The following BICD1 variants were observed in gnomAD, a reference collection of about 807,000 sequenced individuals.
BICD1 encodes the protein BICD cargo adaptor 1, also known as protein bicaudal D homolog 1.
In BICD1, 35 loss-of-function variants were observed where a neutral mutation model predicts 92.5. The ratio of observed to expected loss-of-function variants is 0.38; its 90% CI spans 0.29 to 0.50. The LOEUF (loss-of-function observed/expected upper bound fraction) is 0.50, where lower values mean the gene tolerates loss of function less well. BICD1 is among the 20% of genes least tolerant of loss of function. The probability of loss-of-function intolerance (pLI) is 0.93; values close to 1 mark genes in which losing one functional copy is unlikely to be tolerated. For missense variants in BICD1, 950 were observed against 1,189.8 expected (o/e 0.80, Z 2.97); for synonymous variants, 429 against 465.1 (o/e 0.92, Z 1.00).
intron 1 of BICD1, among the ~76,000 whole-genome samples, chr12:32,132,415 CA>C (rs34771538): frequency 0.3 from 32,307 of 109,150 alleles, 3,663 homozygotes; most frequent in Middle Eastern, 0.39. Context: ...GACTCTGTCT[CA>C]AAAAAAAAAA....
chr12:32,296,253 T>G (rs1407840889), intron 3 of BICD1, among the ~76,000 whole-genome samples: 531 of 46,288 alleles, frequency 0.011, 2 homozygotes, highest in African/African-American at 0.035. Flanking sequence ...GGGGTTTTTT[T>G]TTGTTTTTTT....
intron 1 of BICD1, among the ~76,000 whole-genome samples, chr12:32,142,432 CA>C (rs1305439204): frequency 8.1e-5 from 4 of 49,412 alleles, no homozygotes; most frequent in African/African-American, 2.4e-4. Flanking sequence ...AAAAAAAAAA[CA>C]AAAAACCCCA....
intron 1 of BICD1, among the ~76,000 whole-genome samples, chr12:32,170,086 C>T (rs2121514210): frequency 6.6e-6 from 1 of 152,310 alleles, no homozygotes; most frequent in South Asian, 2.1e-4. Context: ...CTAAGAAAAA[C>T]CTTGTTTCAC....
rs1350986528 is a variant in BICD1 at position 32,336,228 on chromosome 12, A to G, written c.2253-1271A>G. 5.3e-5 allele frequency among the ~76,000 whole-genome samples: 8 copies of G among 152,200 alleles called. No homozygotes were observed. In the East Asian group the frequency reaches 1.2e-3, roughly 22 times the overall value. ...CATATTTTAGCGGGTAAATAAACTC[A>G]GAAAAAAAACAAAACAAAATTCAGA... is the stretch of plus-strand genomic sequence containing the variant. On this transcript the variant is annotated intron_variant, in intron 6 of 9. Transcript: ENST00000652176.
At chr12:32,371,213 C>T (rs1939727745) in intron 9 of BICD1, among the ~76,000 whole-genome samples, 1 of 152,140 alleles carries the variant, frequency 6.6e-6, no homozygotes, top group Admixed American at 6.5e-5. Flanking sequence ...CAGTTTCTAC[C>T]CACATGAATA....
chr12:32,305,578 TTA>T (rs1948189469), intron 3 of BICD1, 117 bp from the exon 4 acceptor site: 2 of 863,722 alleles, frequency 2.3e-6, no homozygotes, highest in Non-Finnish European at 1.7e-6. Context: ...TTTTTATTAT[TTA>T]TTTTTTAGAC....
chr12:32,114,348 C>G lies in BICD1; in HGVS notation c.213+6804C>G, dbSNP rs540959240. ...ATTCATGTTTTCTTTGCTGGGGAAG[C>G]GTACATTGCATGATGGATTCAGATC... On this transcript the variant is annotated intron_variant, in intron 1 of 9. Coordinates refer to ENST00000652176, the MANE Select transcript of BICD1 (RefSeq NM_001714.4). 1.5e-3 allele frequency among the ~76,000 whole-genome samples: 224 copies of G among 152,074 alleles called. No individual in the cohort carries two copies. The Middle Eastern group carries it at 0.017, about 12-fold the overall frequency.
rs1291722922 is a variant in BICD1, at chr12:32,334,584, C to A, written c.2169C>A (p.Thr723=). ...YENEKAMVTE[T]MTKLRNELKA... is the part of the protein sequence containing the mutation. ...ATGAAAAAGCAATGGTGACTGAAAC[C>A]ATGACGAAGCTTAGAAATGAACTGA... Residue 723 remains threonine (T), a synonymous_variant, in exon 6 of 10, where the codon ACC becomes ACA. Coordinates refer to ENST00000652176, the MANE Select transcript of BICD1 (RefSeq NM_001714.4). 1 of 1,612,124 alleles carries A rather than the reference C, an allele frequency of 6.2e-7. No homozygotes were observed. The highest frequency in any genetic ancestry group is 8.5e-7 in the Non-Finnish European group (1 of 1,179,084).
intron 8 of BICD1, among the ~76,000 whole-genome samples, chr12:32,345,912 G>C (rs1218767505): frequency 6.6e-6 from 1 of 152,244 alleles, no homozygotes; most frequent in Non-Finnish European, 1.5e-5. Flanking sequence ...CACTTTGGGA[G>C]GCCAAAATGA....
intron 2 of BICD1, among the ~76,000 whole-genome samples, chr12:32,257,641 A>T (rs1296568570): frequency 2.6e-5 from 4 of 152,188 alleles, no homozygotes; most frequent in Admixed American, 2.6e-4. Context: ...TGGAGGTATG[A>T]ACCCTAGAAA....
At chr12:32,129,094 C>A (rs112997782) in intron 1 of BICD1, among the ~76,000 whole-genome samples, 16,506 of 151,868 alleles carry the variant, frequency 0.11, 1,179 homozygotes, top group African/African-American at 0.2. Flanking sequence ...CACCATTGTG[C>A]CTGGCTAATT....
In BICD1 at chr12:32,307,178, A is replaced by T. The variant is rs779507684; in HGVS notation, c.1005+1056A>T. 2.0e-5 allele frequency among the ~76,000 whole-genome samples: 3 copies of T among 152,348 alleles called. No individual in the cohort carries two copies. The East Asian group carries it at 5.8e-4, about 29-fold the overall frequency. Reference sequence around the variant, plus strand: ...TTCCAGATTTATGGTTACATTTCACAGGAATACTTGAAGCCTTAAAAGACG... The same window carrying T: ...TTCCAGATTTATGGTTACATTTCACTGGAATACTTGAAGCCTTAAAAGACG... On this transcript the variant is annotated intron_variant, in intron 4 of 9. Coordinates refer to ENST00000652176, the MANE Select transcript of BICD1 (RefSeq NM_001714.4).
intron 1 of BICD1, among the ~76,000 whole-genome samples, chr12:32,151,961 TG>T (rs1943300978): frequency 6.6e-6 from 1 of 152,158 alleles, no homozygotes; most frequent in African/African-American, 2.4e-5. Context: ...TGTTGTTTTT[TG>T]TTTTTGTTTT....
At chr12:32,185,042 A>C (rs1355352305) in intron 1 of BICD1, among the ~76,000 whole-genome samples, 1 of 152,144 alleles carries the variant, frequency 6.6e-6, no homozygotes, top group Non-Finnish European at 1.5e-5. Context: ...TGGGAGCATA[A>C]CCACCCCACA....
chr12:32,158,106 C>CTT (rs35906528), intron 1 of BICD1, among the ~76,000 whole-genome samples: 1,969 of 125,684 alleles, frequency 0.016, 28 homozygotes, highest in Non-Finnish European at 0.025. Context: ...TTTTTTTTTT[C>CTT]TTTTTTTTTT....
chr12:32,173,885 A>G (rs1456080680), intron 1 of BICD1, among the ~76,000 whole-genome samples: 2 of 152,346 alleles, frequency 1.3e-5, no homozygotes, highest in South Asian at 4.1e-4. Flanking sequence ...CTTATTCCAC[A>G]AATGATTTCT....
intron 1 of BICD1, among the ~76,000 whole-genome samples, chr12:32,185,749 CCA>C (rs955414391): frequency 2.5e-4 from 38 of 152,300 alleles, no homozygotes; most frequent in African/African-American, 7.7e-4. Context: ...GGTGAATCCA[CCA>C]CAGTTAACAA....
chr12:32,203,709 C>A (rs1173870167), intron 1 of BICD1, among the ~76,000 whole-genome samples: 1 of 152,150 alleles, frequency 6.6e-6, no homozygotes, highest in Non-Finnish European at 1.5e-5. Context: ...CAGCCTGCTA[C>A]CACTGGACCG....
At chr12:32,238,247 T>C (rs1185485413) in intron 2 of BICD1, among the ~76,000 whole-genome samples, 1 of 151,988 alleles carries the variant, frequency 6.6e-6, no homozygotes, top group Non-Finnish European at 1.5e-5. Flanking sequence ...AAAAAGGATT[T>C]TTTTTTAAGA....
Sources: allele counts gnomAD v4.1 joint callset (sites outside exome capture counted in the v4.1 genomes callset), GRCh38; gene constraint gnomAD v4.1.1; transcripts MANE v1.5; gene names NCBI Gene and HGNC (gene_info 2026-07-23, HGNC 2026-07-21).